Variants in CSNK1G1 observed in about 807,000 individuals in gnomAD.
CSNK1G1 encodes the protein casein kinase 1 gamma 1, also known as casein kinase I isoform gamma-1.
Under a neutral mutation model 59.6 loss-of-function variants are expected in CSNK1G1, and 22 were observed. That is an observed-to-expected ratio of 0.37 (90% CI 0.26 to 0.53). The LOEUF is 0.53. CSNK1G1 is among the 20% of genes least tolerant of loss of function. The pLI is 0.89. For synonymous variants in CSNK1G1, 179 were observed against 177.1 expected (o/e 1.01, Z -0.08); for missense variants, 384 against 519.5 (o/e 0.74, Z 2.54).
chr15:64,345,788 G>GA (rs774866625), intron 1 of CSNK1G1, among the ~76,000 whole-genome samples: 25 of 150,978 alleles, frequency 1.7e-4, no homozygotes, highest in South Asian at 4.2e-4. Context: ...TTGTAGAATA[G>GA]AAAAAAAAAC....
rs192718246 is a variant in CSNK1G1, at chr15:64,202,309, G to C, written c.1107+773C>G. Among the ~76,000 whole-genome samples the C allele has an allele frequency of 1.8e-3, 276 of 152,208 alleles. 2 individuals are homozygous for C. Among genetic ancestry groups the C allele is most frequent in the South Asian group, 2.1e-4 (1 of 4,822 alleles). Reference sequence around the variant, plus strand: ...ATTCTTAACCAGCAAGGAAAAACCAGAACTGGCAAGAGCTCTAGACCAGAC... The same window carrying C: ...ATTCTTAACCAGCAAGGAAAAACCACAACTGGCAAGAGCTCTAGACCAGAC... On this transcript the variant is annotated intron_variant, in intron 10 of 11. Coordinates refer to ENST00000303052, the MANE Select transcript of CSNK1G1 (RefSeq NM_022048.5).
intron 4 of CSNK1G1, among the ~76,000 whole-genome samples, chr15:64,245,697 G>C (rs1273943809): frequency 6.6e-6 from 1 of 151,668 alleles, no homozygotes; most frequent in East Asian, 1.9e-4. Context: ...TTGAGCCCAG[G>C]AGTTTGAGAC....
At chr15:64,238,684 C>G (rs1409985681) in intron 4 of CSNK1G1, among the ~76,000 whole-genome samples, 1 of 151,510 alleles carries the variant, frequency 6.6e-6, no homozygotes, top group African/African-American at 2.4e-5. Context: ...CTGACTTGGG[C>G]TCCTGAATTA....
intron 11 of CSNK1G1, among the ~76,000 whole-genome samples, chr15:64,178,584 C>A (rs1176572366): frequency 6.7e-6 from 1 of 150,366 alleles, no homozygotes; most frequent in African/African-American, 2.5e-5. Flanking sequence ...TGGGTTCAAG[C>A]GATTCTCCTG....
intron 2 of CSNK1G1, among the ~76,000 whole-genome samples, chr15:64,295,523 G>C (rs1399709176): frequency 1.3e-5 from 2 of 152,028 alleles, no homozygotes; most frequent in African/African-American, 4.8e-5. Context: ...AAGACCAAAG[G>C]CCCTGCTACT....
chr15:64,283,954 A>G, intron 2 of CSNK1G1, among the ~76,000 whole-genome samples: 1 of 151,812 alleles, frequency 6.6e-6, no homozygotes, highest in South Asian at 2.1e-4. Flanking sequence ...TTTTTTTAAG[A>G]CTTTTATAGT....
At position 64,198,378 on chromosome 15, in the gene CSNK1G1, G is replaced by C. The variant is rs1204580532; in HGVS notation, c.1107+4704C>G. ...CCACCACCACACCCAGCTAATTTTTGTATTTTTAGTAGAGATGGGGTTTCA... is the reference window on the plus strand; with the variant it reads ...CCACCACCACACCCAGCTAATTTTTCTATTTTTAGTAGAGATGGGGTTTCA... On this transcript the variant is annotated intron_variant, in intron 10 of 11. Coordinates refer to ENST00000303052, the MANE Select transcript of CSNK1G1 (RefSeq NM_022048.5). 2.0e-5 allele frequency among the ~76,000 whole-genome samples: 3 copies of C among 151,334 alleles called. No individual in the cohort carries two copies. The East Asian group carries it at 5.8e-4, about 29-fold the overall frequency.
chr15:64,269,120 T>A, intron 2 of CSNK1G1, among the ~76,000 whole-genome samples: 1 of 152,372 alleles, frequency 6.6e-6, no homozygotes, highest in Non-Finnish European at 1.5e-5. Context: ...AATGTATGTA[T>A]AGCCCACATT....
intron 4 of CSNK1G1, among the ~76,000 whole-genome samples, chr15:64,233,842 C>T (rs945479581): frequency 2.0e-5 from 3 of 152,128 alleles, no homozygotes; most frequent in Non-Finnish European, 2.9e-5. Flanking sequence ...TGAATTATAC[C>T]TTTCCAAGTC....
chr15:64,221,233 T>C (rs2082385057), intron 4 of CSNK1G1, among the ~76,000 whole-genome samples: 1 of 152,226 alleles, frequency 6.6e-6, no homozygotes, highest in South Asian at 2.1e-4. Flanking sequence ...CTTAGAAATA[T>C]AATATTGGCA....
intron 4 of CSNK1G1, 99 bp downstream of exon 4, chr15:64,251,413 G>A (rs1596161163): frequency 1.3e-6 from 1 of 767,256 alleles, no homozygotes; most frequent in East Asian, 2.5e-5. Context: ...GAGATAGATG[G>A]TTTGGTAAAA....
intron 2 of CSNK1G1, among the ~76,000 whole-genome samples, chr15:64,283,221 TTGGG>T: frequency 6.6e-6 from 1 of 152,354 alleles, no homozygotes; most frequent in East Asian, 1.9e-4. Flanking sequence ...TATTCTTAAA[TTGGG>T]TTGTCTTTTT....
chr15:64,178,164 G>A (rs1208109514), intron 11 of CSNK1G1, among the ~76,000 whole-genome samples: 1 of 152,198 alleles, frequency 6.6e-6, no homozygotes, highest in Non-Finnish European at 1.5e-5. Flanking sequence ...CCAGTTGAGA[G>A]CCCAGAGGGT....
chr15:64,229,180 G>A, intron 4 of CSNK1G1, among the ~76,000 whole-genome samples: 2 of 151,870 alleles, frequency 1.3e-5, no homozygotes, highest in Non-Finnish European at 2.9e-5. Flanking sequence ...CCCTACTGAT[G>A]GGCATTCATG....
intron 2 of CSNK1G1, among the ~76,000 whole-genome samples, chr15:64,292,926 CATAA>C (rs199808127): frequency 1.8e-4 from 28 of 151,894 alleles, no homozygotes; most frequent in African/African-American, 6.8e-4. Context: ...GACTCCATCT[CATAA>C]ATAAATAAAT....
chr15:64,173,210 T>A (rs977643864), intron 11 of CSNK1G1, among the ~76,000 whole-genome samples: 18 of 152,224 alleles, frequency 1.2e-4, no homozygotes, highest in African/African-American at 4.1e-4. Flanking sequence ...AGGTATTCCA[T>A]TGTAGCCAAG....
At chr15:64,296,404 A>C (rs1423140019) in intron 2 of CSNK1G1, among the ~76,000 whole-genome samples, 1 of 152,206 alleles carries the variant, frequency 6.6e-6, no homozygotes, top group African/African-American at 2.4e-5. Context: ...TACAGGCATA[A>C]GCCACTACAC....
At chr15:64,189,497 T>C in intron 10 of CSNK1G1, 4 of 1,222,832 alleles carry the variant, frequency 3.3e-6, no homozygotes, top group Non-Finnish European at 3.1e-6. Context: ...AAATGAAAAA[T>C]GAGTAGTTGG....
chr15:64,229,796 G>A (rs1321941308), intron 4 of CSNK1G1, among the ~76,000 whole-genome samples: 1 of 150,176 alleles, frequency 6.7e-6, no homozygotes, highest in Non-Finnish European at 1.5e-5. Flanking sequence ...TCTCAAGTGA[G>A]CTTGAACTGG....
Sources: gnomAD v4.1 joint callset for allele counts (sites outside exome capture counted in the v4.1 genomes callset) on GRCh38, gnomAD v4.1.1 for gene constraint, MANE v1.5 for transcripts, NCBI Gene and HGNC (gene_info 2026-07-23, HGNC 2026-07-21) for gene names.